Variants in SYCP2L observed in about 807,000 individuals in gnomAD.
The protein encoded by SYCP2L is synaptonemal complex protein 2 like, also known as synaptonemal complex protein 2-like.
SYCP2L carries 98 observed loss-of-function variants against 125.8 expected under a neutral mutation model. That is an observed-to-expected ratio of 0.78 (90% CI 0.66 to 0.92). The LOEUF is 0.92. Ranked by LOEUF, SYCP2L falls within the 40% of genes least tolerant of loss-of-function variation. The probability of loss-of-function intolerance (pLI) is 0.00; values close to 1 mark genes in which losing one functional copy is unlikely to be tolerated. For synonymous variants in SYCP2L, 317 were observed against 325.4 expected (o/e 0.97, Z 0.28); for missense variants, 842 against 936.4 (o/e 0.90, Z 1.32).
At position 10,887,152 on chromosome 6, in the gene SYCP2L, G is replaced by T; in HGVS notation, c.9+17G>T. 6.2e-7 allele frequency: 1 copy of T among 1,614,068 alleles called. No individual in the cohort carries two copies. On this transcript the variant is annotated intron_variant, in intron 1 of 29. Transcript: ENST00000283141. ...ATGCAAGCGGTGAGTGACCCCCGAAGGGCCCGGACCTTCTGTCCACAGTGC... is the reference window on the plus strand; with the variant it reads ...ATGCAAGCGGTGAGTGACCCCCGAATGGCCCGGACCTTCTGTCCACAGTGC...
intron 1 of SYCP2L, among the ~76,000 whole-genome samples, chr6:10,890,473 C>T (rs927583568): frequency 6.6e-6 from 1 of 151,928 alleles, no homozygotes; most frequent in African/African-American, 2.4e-5. Flanking sequence ...TTTCATATAC[C>T]TGTTGGTCAT....
In SYCP2L at chr6:10,928,574, A is replaced by T. The variant is rs911092046; in HGVS notation, c.1488+124A>T. The T allele has an allele frequency of 1.6e-5, 22 of 1,362,262 alleles. No individual in the cohort carries two copies. In the African/African-American group the frequency reaches 2.5e-4, roughly 16 times the overall value. 84.4% of individuals were successfully genotyped at this position (1,362,262 alleles called of 1,614,324 possible). ...GCCAACCATCTGTCAATTTAAAAAA[A>T]TTTTTTTAAGACAAGGCCTTGTTCT... On this transcript the variant is annotated intron_variant, in intron 18 of 29. Transcript: ENST00000283141.
Position 10,912,796 on chromosome 6 carries a change from A to C in SYCP2L, c.1011+31A>C. The stretch of plus-strand genomic sequence containing the variant: ...GATGTTCGATTCTTGGTTAGAACTA[A>C]GCCTTTAGAGATCTTTTTTATGTAA... On this transcript the variant is annotated intron_variant, in intron 13 of 29. Transcript: ENST00000283141. The surrounding 1 kb of genome is among the most constrained non-coding windows in gnomAD (Gnocchi z 4.1). 9.9e-6 allele frequency: 16 copies of C among 1,608,346 alleles called. No individual in the cohort carries two copies. The highest frequency in any genetic ancestry group is 1.4e-5 in the Non-Finnish European group (16 of 1,175,328).
rs775371099 is a variant in SYCP2L, at chr6:10,961,263, C to T, written c.2256-42C>T. The stretch of plus-strand genomic sequence containing the variant: ...TTATTAAGAAAGTCTGCTGTCACAT[C>T]CAAGCGATCCCAATGATATTTACTG... On this transcript the variant is annotated intron_variant, in intron 26 of 29. Coordinates refer to ENST00000283141, the MANE Select transcript of SYCP2L (RefSeq NM_001040274.3). The T allele has an allele frequency of 2.0e-6, 3 of 1,513,638 alleles. No homozygotes were observed. In the South Asian group the frequency reaches 3.4e-5, roughly 17 times the overall value. The allele number at this position is 1,513,638 out of a possible 1,614,324, so 93.8% of individuals were successfully genotyped here. A position where few individuals can be genotyped will look rare whatever the true frequency, so the allele number is the denominator to read the frequency against.
intron 10 of SYCP2L, among the ~76,000 whole-genome samples, chr6:10,908,748 C>A (rs1159267103): frequency 6.6e-6 from 1 of 152,158 alleles, no homozygotes; most frequent in African/African-American, 2.4e-5. Flanking sequence ...TAAAGTAATT[C>A]TTTAGCCAGG....
Position 10,912,823 on chromosome 6 carries a change from T to C in SYCP2L, c.1012-44T>C. 1 of 1,609,088 alleles carries C rather than the reference T, an allele frequency of 6.2e-7. No individual in the cohort carries two copies. The highest frequency in any genetic ancestry group is 1.7e-5 in the Admixed American group (1 of 59,934). Reference sequence around the variant, plus strand: ...CCTTTAGAGATCTTTTTTATGTAAGTATGTGTTTTGCACTCATGAATTTCA... The same window carrying C: ...CCTTTAGAGATCTTTTTTATGTAAGCATGTGTTTTGCACTCATGAATTTCA... On this transcript the variant is annotated intron_variant, in intron 13 of 29. Coordinates refer to ENST00000283141, the MANE Select transcript of SYCP2L (RefSeq NM_001040274.3). This position sits in a 1 kb window ranked among gnomAD's most constrained non-coding sequence, Gnocchi z 4.1.
At chr6:10,910,277 C>A in intron 11 of SYCP2L, 77 bp downstream of exon 11, 1 of 1,362,420 alleles carries the variant, frequency 7.3e-7, no homozygotes, top group South Asian at 1.2e-5. Flanking sequence ...AGTTTAGGGT[C>A]TGTTTCATTT....
chr6:10,905,282 T>G (rs1044033765), intron 8 of SYCP2L, among the ~76,000 whole-genome samples: 9 of 151,918 alleles, frequency 5.9e-5, no homozygotes, highest in African/African-American at 2.2e-4. Flanking sequence ...CATCTCTAAA[T>G]TATTATTATT....
At chr6:10,951,292 G>T (rs1781404938) in intron 23 of SYCP2L, among the ~76,000 whole-genome samples, 1 of 152,068 alleles carries the variant, frequency 6.6e-6, no homozygotes, top group Non-Finnish European at 1.5e-5. Flanking sequence ...CAGGCATGGT[G>T]GCGTGTCCCT....
At chr6:10,973,587 G>T (rs575672647) in intron 29 of SYCP2L, among the ~76,000 whole-genome samples, 1 of 152,170 alleles carries the variant, frequency 6.6e-6, no homozygotes, top group Non-Finnish European at 1.5e-5. Context: ...ACAACATGTA[G>T]TTTTCCTAGT....
At chr6:10,890,254 T>C (rs1000708021) in intron 1 of SYCP2L, among the ~76,000 whole-genome samples, 4 of 152,202 alleles carry the variant, frequency 2.6e-5, no homozygotes, top group Admixed American at 6.5e-5. Context: ...GGATTTATGA[T>C]AGTTTTTTGA....
chr6:10,897,919 T>C (rs999057839), intron 4 of SYCP2L, 92 bp from the exon 5 acceptor site: 4 of 859,084 alleles, frequency 4.7e-6, no homozygotes, highest in Admixed American at 1.9e-5. Context: ...TCTTTAAGAT[T>C]ATTTTGTTGT....
chr6:10,887,770 G>T (rs903111147), intron 1 of SYCP2L, among the ~76,000 whole-genome samples: 2 of 152,168 alleles, frequency 1.3e-5, no homozygotes, highest in East Asian at 1.9e-4. Context: ...TGATAGCCAG[G>T]GGTAACTGCT....
At chr6:10,964,889 TA>T (rs1241782991) in intron 29 of SYCP2L, among the ~76,000 whole-genome samples, 2 of 152,194 alleles carry the variant, frequency 1.3e-5, no homozygotes, top group Non-Finnish European at 2.9e-5. Flanking sequence ...ACTTGTGGTT[TA>T]AAGTAACAGG....
chr6:10,969,214 T>C (rs769097131), intron 29 of SYCP2L, among the ~76,000 whole-genome samples: 4 of 152,222 alleles, frequency 2.6e-5, no homozygotes, highest in Non-Finnish European at 4.4e-5. Context: ...TTGAAGAGTA[T>C]AGTAGTTATT....
chr6:10,915,942 T>C (rs1780685738), intron 14 of SYCP2L, among the ~76,000 whole-genome samples: 1 of 152,206 alleles, frequency 6.6e-6, no homozygotes, highest in Non-Finnish European at 1.5e-5. Flanking sequence ...TGTGAATCTG[T>C]CTGGTCCTGG....
intron 29 of SYCP2L, among the ~76,000 whole-genome samples, chr6:10,965,749 T>C (rs549353057): frequency 6.6e-6 from 1 of 152,230 alleles, no homozygotes; most frequent in Non-Finnish European, 1.5e-5. Flanking sequence ...AATTTTAACA[T>C]AAATCTTGCA....
chr6:10,910,104 TC>T, intron 10 of SYCP2L, 43 bp from the exon 11 acceptor site: 1 of 1,547,480 alleles, frequency 6.5e-7, no homozygotes, highest in South Asian at 1.1e-5. Flanking sequence ...AACTAAGACA[TC>T]TTGATTTTTT....
Position 10,898,775 on chromosome 6 carries a change from A to G in SYCP2L, c.442-49A>G, listed in dbSNP as rs528940291. 15 of 1,181,588 alleles carry G rather than the reference A, an allele frequency of 1.3e-5. No homozygotes were observed. The South Asian group carries it at 1.6e-4, about 13-fold the overall frequency. The allele number at this position is 1,181,588 out of a possible 1,614,324, so 73.2% of individuals were successfully genotyped here. On this transcript the variant is annotated intron_variant, in intron 5 of 29. Coordinates refer to ENST00000283141, the MANE Select transcript of SYCP2L (RefSeq NM_001040274.3). ...TAATACATTCACATTACGGTTTATC[A>G]TGCTGTTTTAAAATAATATGAGCTT...
Sources: gnomAD v4.1 joint callset for allele counts (sites outside exome capture counted in the v4.1 genomes callset) on GRCh38, gnomAD v4.1.1 for gene constraint, Gnocchi (gnomAD v3.1) non-coding constraint, MANE v1.5 for transcripts, NCBI Gene and HGNC (gene_info 2026-07-23, HGNC 2026-07-21) for gene names.